Variants in BMS1 observed in about 807,000 individuals in gnomAD.
BMS1 encodes the protein ribosome biogenesis protein BMS1 homolog.
Under a neutral mutation model 138.7 loss-of-function variants are expected in BMS1, and 53 were observed. That is an observed-to-expected ratio of 0.38 (90% CI 0.31 to 0.48). BMS1 has a LOEUF of 0.48. Among genes scored for constraint, BMS1 ranks in the 20% least tolerant of loss-of-function variants. BMS1 has a pLI of 0.97. For missense variants in BMS1, 1,360 were observed against 1,565.5 expected, an observed-to-expected ratio of 0.87 and a Z score of 2.22; for synonymous variants, 504 against 539.9, an observed-to-expected ratio of 0.93 and a Z score of 0.92.
At chr10:42,809,470 A>G (rs1385276916) in intron 13 of BMS1, among the ~76,000 whole-genome samples, 1 of 151,700 alleles carries the variant, frequency 6.6e-6, no homozygotes, top group Non-Finnish European at 1.5e-5. Context: ...TATGTTGCTC[A>G]GGCTGGTCTC....
At chr10:42,783,213 C>G (rs1764700273) in intron 1 of BMS1, among the ~76,000 whole-genome samples, 1 of 152,126 alleles carries the variant, frequency 6.6e-6, no homozygotes. Flanking sequence ...AACATAATCT[C>G]TGAAATCACA....
intron 13 of BMS1, among the ~76,000 whole-genome samples, chr10:42,813,239 G>A (rs1441853304): frequency 1.3e-5 from 2 of 152,104 alleles, no homozygotes; most frequent in African/African-American, 4.8e-5. Flanking sequence ...TTTATTATAG[G>A]CTCTCCATCC....
Position 42,802,132 on chromosome 10 carries a change from G to C in BMS1, c.2248-5G>C. The C allele has an allele frequency of 6.3e-7, 1 of 1,595,250 alleles. No homozygotes were observed. Among genetic ancestry groups the C allele is most frequent in the Non-Finnish European group, 8.5e-7 (1 of 1,169,798 alleles). ...CTCACCTAAGTGCTGACTTTTCTGC[G>C]TAAGGTTATGAACAGTATCAGAGAT... On this transcript the variant is annotated splice_polypyrimidine_tract_variant and splice_region_variant and intron_variant, in intron 12 of 22. Transcript: ENST00000374518.
At position 42,833,876 on chromosome 10, in the gene BMS1, G is replaced by C. The variant is rs1842837750; in HGVS notation, c.*2780G>C. 1 of 152,224 alleles carries C rather than the reference G, an allele frequency of 6.6e-6. No individual in the cohort carries two copies. The highest frequency in any genetic ancestry group is 2.1e-4 in the South Asian group (1 of 4,834). The allele number at this position is 152,224 out of a possible 1,614,324, so 9.4% of individuals were successfully genotyped here. ...TGAGTTCCATGAGAGCAGGAACTGG[G>C]TTGTTCACCTTGTTGGCACTTGGAG... On this transcript the variant is annotated 3_prime_UTR_variant, in exon 23 of 23. Transcript: ENST00000374518.
intron 13 of BMS1, among the ~76,000 whole-genome samples, chr10:42,803,427 C>T (rs1289611748): frequency 6.6e-6 from 1 of 152,130 alleles, no homozygotes; most frequent in African/African-American, 2.4e-5. Flanking sequence ...GCATGAGCCA[C>T]TGTGCCTAGT....
In BMS1 at chr10:42,822,063, C is replaced by T. The variant is rs761339875; in HGVS notation, c.3011C>T (p.Pro1004Leu). 1 of 1,594,106 alleles carries T rather than the reference C, an allele frequency of 6.3e-7. No individual in the cohort carries two copies. Among genetic ancestry groups the T allele is most frequent in the African/African-American group, 1.3e-5 (1 of 74,748 alleles). ...LAIQSVSGIM[P>L]DFRIAATGVV... is the part of the protein sequence containing the mutation. Reference sequence around the variant, plus strand: ...TTCAAATTTTGGGGTTCCTGTTAGCCTGATTTTCGGATAGCTGCTACAGGA... The same window carrying T: ...TTCAAATTTTGGGGTTCCTGTTAGCTTGATTTTCGGATAGCTGCTACAGGA... Residue 1004 changes from proline to leucine, a missense_variant and splice_region_variant, in exon 19 of 23, where the codon CCT (proline) becomes CTT (leucine). Pro to Leu is a moderately conservative substitution (Grantham distance 98). Transcript: ENST00000374518.
chr10:42,789,935 A>C (rs1258855840), intron 4 of BMS1, among the ~76,000 whole-genome samples: 1 of 152,180 alleles, frequency 6.6e-6, no homozygotes, highest in African/African-American at 2.4e-5. Flanking sequence ...CTCATACATT[A>C]AAATTCTTAT....
intron 12 of BMS1, among the ~76,000 whole-genome samples, chr10:42,801,169 G>T (rs1841866201): frequency 1.3e-5 from 2 of 152,204 alleles, no homozygotes; most frequent in Non-Finnish European, 2.9e-5. Context: ...CCATGAGTTG[G>T]TCATTACTTC....
rs760627253 is a variant in BMS1, at chr10:42,820,315, G to A, written c.2660G>A (p.Arg887His). The change falls in exon 16 of 23, where the codon CGC (arginine) becomes CAC (histidine). Residue 887 changes from arginine (R) to histidine (H), a missense_variant. This residue lies in a region of BMS1 where 425 missense variants were observed against 568.3 expected (regional missense o/e 0.75). Transcript: ENST00000374518. ...YEGFRPGMYV[R>H]IEIENVPCEF... ...GGTTTTCGACCTGGGATGTACGTCC[G>A]CATTGAGATTGAAAATGTTCCCTGT... 65 of 1,613,522 alleles carry A rather than the reference G, an allele frequency of 4.0e-5. 1 individual carries two copies. The South Asian group carries it at 4.8e-4, about 12-fold the overall frequency.
At chr10:42,819,344 G>A (rs1842437509) in intron 15 of BMS1, among the ~76,000 whole-genome samples, 1 of 152,184 alleles carries the variant, frequency 6.6e-6, no homozygotes, top group Admixed American at 6.5e-5. Context: ...TGTAACACTG[G>A]CCGCAGGTTG....
intron 1 of BMS1, among the ~76,000 whole-genome samples, chr10:42,783,467 T>A (rs1437837026): frequency 1.3e-5 from 2 of 152,216 alleles, no homozygotes; most frequent in East Asian, 3.8e-4. Flanking sequence ...ATCCACTTAC[T>A]GGCACAGTGC....
intron 18 of BMS1, 50 bp from the exon 19 acceptor site, chr10:42,822,012 T>C: frequency 6.4e-7 from 1 of 1,550,668 alleles, no homozygotes; most frequent in Non-Finnish European, 8.8e-7. Context: ...AATTGAAGTT[T>C]TTCTCTTGCT....
chr10:42,800,387 C>A (rs963976990), intron 12 of BMS1, among the ~76,000 whole-genome samples: 2 of 152,102 alleles, frequency 1.3e-5, no homozygotes, highest in African/African-American at 4.8e-5. Context: ...TAGAACCATA[C>A]CAATTTCTTA....
At chr10:42,826,236 GTTGTGT>G (rs902494289) in intron 21 of BMS1, among the ~76,000 whole-genome samples, 4 of 98,520 alleles carry the variant, frequency 4.1e-5, no homozygotes, top group East Asian at 3.1e-4. Flanking sequence ...GTTTTTGTTT[GTTGTGT>G]GTGTGTGTGT....
At chr10:42,804,945 T>A (rs145517037) in intron 13 of BMS1, among the ~76,000 whole-genome samples, 2,322 of 152,266 alleles carry the variant, frequency 0.015, 48 homozygotes, top group African/African-American at 0.054. Flanking sequence ...CTTGAACTCC[T>A]GACCTCAGGT....
chr10:42,788,854 C>T (rs1841419431), intron 4 of BMS1, among the ~76,000 whole-genome samples: 1 of 152,202 alleles, frequency 6.6e-6, no homozygotes, highest in Admixed American at 6.5e-5. Context: ...ACACACATGC[C>T]ACCCTTTAAA....
chr10:42,833,661 T>C lies in BMS1; in HGVS notation c.*2565T>C, dbSNP rs985417166. The stretch of plus-strand genomic sequence containing the variant: ...GCCATATACGTGGTCCATCCTTGAC[T>C]GAACATCATGCGGCATGTGGCTGTA... On this transcript the variant is annotated 3_prime_UTR_variant, in exon 23 of 23. Coordinates refer to ENST00000374518, the MANE Select transcript of BMS1 (RefSeq NM_014753.4). 28 of 152,262 alleles carry C rather than the reference T, an allele frequency of 1.8e-4. No individual in the cohort carries two copies. The highest frequency in any genetic ancestry group is 3.2e-3 in the Middle Eastern group (1 of 316). The allele number at this position is 152,262 out of a possible 1,614,324, so 9.4% of individuals were successfully genotyped here.
intron 4 of BMS1, among the ~76,000 whole-genome samples, chr10:42,789,275 T>G (rs1841431705): frequency 6.6e-6 from 1 of 152,228 alleles, no homozygotes; most frequent in Admixed American, 6.5e-5. Context: ...GGTCCAGTGT[T>G]GCTGAAAAGC....
chr10:42,793,876 C>T lies in BMS1; in HGVS notation c.1114C>T (p.Leu372=), dbSNP rs1841590585. Residue 372 remains leucine (L), a synonymous_variant, in exon 9 of 23, where the codon CTG becomes TTG. Coordinates refer to ENST00000374518, the MANE Select transcript of BMS1 (RefSeq NM_014753.4). ...FQDEVGPTHE[L]VQSLISTHST... is the part of the protein sequence containing the mutation. ...GGATGAAGTGGGGCCCACCCATGAGCTGGTCCAGAGTCTCATCTCTACCCA... is the reference window on the plus strand; with the variant it reads ...GGATGAAGTGGGGCCCACCCATGAGTTGGTCCAGAGTCTCATCTCTACCCA... 1 of 1,611,642 alleles carries T rather than the reference C, an allele frequency of 6.2e-7. No homozygotes were observed. The highest frequency in any genetic ancestry group is 1.3e-5 in the African/African-American group (1 of 74,786).
Sources: allele counts gnomAD v4.1 joint callset (sites outside exome capture counted in the v4.1 genomes callset), GRCh38; gene constraint gnomAD v4.1.1; regional missense constraint gnomAD v4.1.1; transcripts MANE v1.5; gene names NCBI Gene and HGNC (gene_info 2026-07-23, HGNC 2026-07-21).